Variants in ZHX2 observed in about 807,000 individuals in gnomAD.
The protein encoded by ZHX2 is zinc fingers and homeoboxes 2, also known as zinc fingers and homeoboxes protein 2.
In ZHX2, 6 loss-of-function variants were observed where a neutral mutation model predicts 21.9. The observed-to-expected ratio is 0.27, with a 90% confidence interval of 0.15 to 0.54. The LOEUF (loss-of-function observed/expected upper bound fraction) is 0.54, where lower values mean the gene tolerates loss of function less well. Among genes scored for constraint, ZHX2 ranks in the 20% least tolerant of loss-of-function variants. ZHX2 has a pLI of 0.95. For synonymous variants in ZHX2, 434 were observed against 437.1 expected (o/e 0.99, Z 0.09); for missense variants, 908 against 1,090.7 (o/e 0.83, Z 2.36).
chr8:122,821,688 CTTTATTTATTTA>C (rs35192802), intron 1 of ZHX2, among the ~76,000 whole-genome samples: 19 of 145,404 alleles, frequency 1.3e-4, no homozygotes, highest in Admixed American at 4.1e-4. Context: ...ACAGGCATGA[CTTTATTTATTTA>C]TTTATTTATT....
chr8:122,829,396 T>C (rs1190335392), intron 1 of ZHX2, among the ~76,000 whole-genome samples: 1 of 152,256 alleles, frequency 6.6e-6, no homozygotes, highest in African/African-American at 2.4e-5. Context: ...TTCAAGAACT[T>C]ATAACAATGC....
chr8:122,830,420 G>GC (rs1222807349), intron 1 of ZHX2, among the ~76,000 whole-genome samples: 2 of 152,156 alleles, frequency 1.3e-5, no homozygotes, highest in East Asian at 1.9e-4. Flanking sequence ...AAGCTTTCAG[G>GC]CCCCGGGGAG....
At chr8:122,943,438 G>A (rs1812895012) in intron 2 of ZHX2, among the ~76,000 whole-genome samples, 2 of 152,206 alleles carry the variant, frequency 1.3e-5, no homozygotes, top group Non-Finnish European at 2.9e-5. Context: ...CTGAGCCTTA[G>A]TGTCCACGTA....
At position 122,781,824 on chromosome 8, in the gene ZHX2, A is replaced by C. The variant is rs1229593840; in HGVS notation, c.-405A>C. 1 of 150,754 alleles carries C rather than the reference A, an allele frequency of 6.6e-6. No individual in the cohort carries two copies. Among genetic ancestry groups the C allele is most frequent in the East Asian group, 2.0e-4 (1 of 5,060 alleles). The allele number at this position is 150,754 out of a possible 1,614,324, so 9.3% of individuals were successfully genotyped here. ...TTCCCCCTCTTTCCCACGGAGCCCG[A>C]GCCGGGCGCCCGGTGGGGAGTGGGG... On this transcript the variant is annotated 5_prime_UTR_variant, in exon 1 of 4. Coordinates refer to ENST00000314393, the MANE Select transcript of ZHX2 (RefSeq NM_014943.5). The surrounding 1 kb of genome is among the most constrained non-coding windows in gnomAD (Gnocchi z 4.6).
chr8:122,798,059 A>C (rs2130561254), intron 1 of ZHX2, among the ~76,000 whole-genome samples: 1 of 152,342 alleles, frequency 6.6e-6, no homozygotes, highest in South Asian at 2.1e-4. Context: ...TGAGGCTCAG[A>C]GAGGTGAAGC....
intron 1 of ZHX2, among the ~76,000 whole-genome samples, chr8:122,854,490 C>T (rs1818982580): frequency 6.6e-6 from 1 of 152,170 alleles, no homozygotes; most frequent in Admixed American, 6.5e-5. Context: ...ATCTGCAGCC[C>T]TCCACCTTGC....
intron 2 of ZHX2, among the ~76,000 whole-genome samples, chr8:122,924,508 C>G (rs968351391): frequency 6.6e-6 from 1 of 152,072 alleles, no homozygotes; most frequent in Non-Finnish European, 1.5e-5. Flanking sequence ...TTTAGGGGGA[C>G]AAAATTCAAT....
intron 2 of ZHX2, among the ~76,000 whole-genome samples, chr8:122,898,862 C>T (rs939443676): frequency 6.6e-6 from 1 of 152,244 alleles, no homozygotes. Context: ...GATGCATGCC[C>T]AGGCAGGCCA....
At chr8:122,961,194 C>T (rs1813433525) in intron 3 of ZHX2, among the ~76,000 whole-genome samples, 1 of 152,196 alleles carries the variant, frequency 6.6e-6, no homozygotes, top group Admixed American at 6.5e-5. Context: ...CAACACCCAC[C>T]TTCTCACTGT....
chr8:122,837,979 C>T lies in ZHX2; in HGVS notation c.-282-25498C>T, dbSNP rs542566450. 2.0e-5 allele frequency among the ~76,000 whole-genome samples: 3 copies of T among 152,290 alleles called. No individual in the cohort carries two copies. In the East Asian group the frequency reaches 5.8e-4, roughly 29 times the overall value. On this transcript the variant is annotated intron_variant, in intron 1 of 3. Transcript: ENST00000314393. ...CAGCTCATTCAGGTAACATGGAAGA[C>T]AGAGGCCACCCGCTTAGGGGAGAGG...
intron 1 of ZHX2, among the ~76,000 whole-genome samples, chr8:122,806,388 A>G (rs1465960216): frequency 2.0e-5 from 3 of 152,346 alleles, no homozygotes; most frequent in Admixed American, 6.5e-5. Context: ...GAGCTGAGAA[A>G]GTCATCACAA....
chr8:122,791,443 G>A (rs556567258), intron 1 of ZHX2, among the ~76,000 whole-genome samples: 2 of 152,172 alleles, frequency 1.3e-5, no homozygotes, highest in African/African-American at 2.4e-5. Context: ...ACAGGATCTC[G>A]GGTGACTGCC....
At chr8:122,800,423 C>T (rs1817696730) in intron 1 of ZHX2, among the ~76,000 whole-genome samples, 1 of 152,194 alleles carries the variant, frequency 6.6e-6, no homozygotes. Flanking sequence ...CCTGCAAACC[C>T]TGGCTTCTGC....
chr8:122,798,065 G>A (rs1817646667), intron 1 of ZHX2, among the ~76,000 whole-genome samples: 1 of 152,214 alleles, frequency 6.6e-6, no homozygotes, highest in South Asian at 2.1e-4. Flanking sequence ...TCAGAGAGGT[G>A]AAGCAACGCA....
rs148771733 is a variant in ZHX2 at position 122,791,182 on chromosome 8, C to T, written c.-283+9236C>T. 5.8e-3 allele frequency among the ~76,000 whole-genome samples: 888 copies of T among 152,350 alleles called. 12 individuals carry two copies. Among genetic ancestry groups the T allele is most frequent in the African/African-American group, 0.017 (708 of 41,576 alleles). ...TGCATTCAGGGTCTTCCTCTGCCTA[C>T]GGTCTTCCTCACCCACGATTTTCCC... On this transcript the variant is annotated intron_variant, in intron 1 of 3. Transcript: ENST00000314393.
At chr8:122,918,482 C>T (rs1415308320) in intron 2 of ZHX2, among the ~76,000 whole-genome samples, 2 of 152,214 alleles carry the variant, frequency 1.3e-5, no homozygotes, top group Non-Finnish European at 2.9e-5. Flanking sequence ...TGCCTTGCCC[C>T]TCATCCCACT....
intron 1 of ZHX2, among the ~76,000 whole-genome samples, chr8:122,840,858 T>C (rs1431019620): frequency 2.0e-5 from 3 of 152,200 alleles, no homozygotes; most frequent in Non-Finnish European, 2.9e-5. Flanking sequence ...TGAAATCCAG[T>C]GTGACTTGCT....
rs769191245 is a variant in ZHX2 at position 122,951,726 on chromosome 8, A to G, written c.216A>G (p.Lys72=). The change falls in exon 3 of 4, where the codon AAA becomes AAG. Residue 72 remains lysine (K), a synonymous_variant. Transcript: ENST00000314393. The part of the protein sequence containing the change: ...EVKSMGESQS[K]KLQGGYECKY... ...AATCTATGGGGGAAAGCCAGTCCAA[A>G]AAACTCCAAGGTGGTTATGAGTGCA... 2.5e-6 allele frequency: 4 copies of G among 1,614,148 alleles called. No homozygotes were observed. The South Asian group carries it at 4.4e-5, about 18-fold the overall frequency.
intron 1 of ZHX2, among the ~76,000 whole-genome samples, chr8:122,803,971 G>A (rs4870814): frequency 0.83 from 125,780 of 152,162 alleles, 52,150 homozygotes; most frequent in Admixed American, 0.88. Flanking sequence ...TGATCAGTAC[G>A]TAGAATAGTG....
Sources: gnomAD v4.1 joint callset for allele counts (sites outside exome capture counted in the v4.1 genomes callset) on GRCh38, gnomAD v4.1.1 for gene constraint, Gnocchi (gnomAD v3.1) non-coding constraint, MANE v1.5 for transcripts, NCBI Gene and HGNC (gene_info 2026-07-23, HGNC 2026-07-21) for gene names.